The following RAD51B variants were observed in gnomAD, a reference collection of about 807,000 sequenced individuals.
The protein encoded by RAD51B is DNA repair protein RAD51 homolog 2.
RAD51B carries 38 observed loss-of-function variants against 42.2 expected under a neutral mutation model. That is an observed-to-expected ratio of 0.90 (90% CI 0.70 to 1.18). RAD51B has a LOEUF of 1.18. Among genes scored for constraint, RAD51B ranks in the 50% most tolerant of loss-of-function variants. The pLI, the probability that RAD51B is intolerant of heterozygous loss-of-function variation, is 0.00. For missense variants in RAD51B, 373 were observed against 400.7 expected (o/e 0.93, Z 0.59); for synonymous variants, 154 against 145.2 (o/e 1.06, Z -0.43).
intron 7 of RAD51B, among the ~76,000 whole-genome samples, chr14:68,172,045 A>AAT (rs1220526350): frequency 2.0e-5 from 3 of 152,188 alleles, no homozygotes; most frequent in Admixed American, 6.5e-5. Context: ...GAAAATACTA[A>AAT]ATATTTCAAC....
chr14:68,282,231 C>T (rs540482057), intron 7 of RAD51B, among the ~76,000 whole-genome samples: 2 of 152,276 alleles, frequency 1.3e-5, no homozygotes, highest in Non-Finnish European at 2.9e-5. Context: ...GGTCCACCTG[C>T]CTCGGCCTCC....
intron 2 of RAD51B, among the ~76,000 whole-genome samples, chr14:67,824,297 G>T (rs901994580): frequency 2.6e-5 from 4 of 152,050 alleles, no homozygotes; most frequent in Non-Finnish European, 4.4e-5. Flanking sequence ...TCACTCTGTT[G>T]CCCAGGCTGG....
intron 7 of RAD51B, among the ~76,000 whole-genome samples, chr14:67,919,347 C>T (rs552602726): frequency 6.6e-6 from 1 of 152,288 alleles, no homozygotes; most frequent in Non-Finnish European, 1.5e-5. Context: ...AGCTCTCTGC[C>T]TAAAAGCAGG....
intron 10 of RAD51B, among the ~76,000 whole-genome samples, chr14:68,496,639 C>G (rs534379303): frequency 6.6e-6 from 1 of 152,372 alleles, no homozygotes; most frequent in South Asian, 2.1e-4. Flanking sequence ...GGGGTCTTCT[C>G]CATCCAGTGG....
At chr14:68,231,456 C>T (rs552905632) in intron 7 of RAD51B, among the ~76,000 whole-genome samples, 2 of 152,228 alleles carry the variant, frequency 1.3e-5, no homozygotes, top group Admixed American at 6.5e-5. Flanking sequence ...TTCCCCTAAA[C>T]CATCATTCTA....
intron 7 of RAD51B, among the ~76,000 whole-genome samples, chr14:68,096,146 AT>A (rs1251440134): frequency 2.0e-5 from 3 of 152,108 alleles, no homozygotes; most frequent in African/African-American, 7.2e-5. Flanking sequence ...CAAAATCCAT[AT>A]TTTTATAGAG....
In RAD51B at chr14:68,370,302, A is replaced by G. The variant is rs61002646; in HGVS notation, c.854-41122A>G. On this transcript the variant is annotated intron_variant, in intron 8 of 10. Coordinates refer to ENST00000471583, the MANE Select transcript of RAD51B (RefSeq NM_133510.4). The stretch of plus-strand genomic sequence containing the variant: ...TGTTTAAAACTCTTTACCAAAGGGC[A>G]ACTGATCCAATAATAATGATAGCAA... Among the ~76,000 whole-genome samples the G allele has an allele frequency of 7.1e-3, 1,079 of 152,338 alleles. 12 individuals are homozygous for G. Among genetic ancestry groups the G allele is most frequent in the Middle Eastern group, 0.024 (7 of 294 alleles).
rs182760535 is a variant in RAD51B at position 67,843,150 on chromosome 14, T to A, written c.315+7954T>A. Among the ~76,000 whole-genome samples the A allele has an allele frequency of 4.8e-4, 73 of 152,018 alleles. 1 individual carries two copies. The East Asian group carries it at 6.6e-3, about 14-fold the overall frequency. On this transcript the variant is annotated intron_variant, in intron 4 of 10. Coordinates refer to ENST00000471583, the MANE Select transcript of RAD51B (RefSeq NM_133510.4). The stretch of plus-strand genomic sequence containing the variant: ...TGCTTTCTTTTTTTTTTTCTTTTTT[T>A]AAAATTTTATTATTATTATACTTTA...
intron 10 of RAD51B, among the ~76,000 whole-genome samples, chr14:68,607,736 G>A (rs934731357): frequency 1.3e-5 from 2 of 152,196 alleles, no homozygotes; most frequent in African/African-American, 2.4e-5. Flanking sequence ...ACCAGGAAAG[G>A]ACGGGGAGCA....
intron 10 of RAD51B, among the ~76,000 whole-genome samples, chr14:68,514,699 TGGAA>T (rs1477336271): frequency 6.6e-6 from 1 of 152,134 alleles, no homozygotes; most frequent in Non-Finnish European, 1.5e-5. Flanking sequence ...TGCCTGGGGC[TGGAA>T]GGAAGTTATT....
chr14:68,217,600 G>A (rs1050412024), intron 7 of RAD51B, among the ~76,000 whole-genome samples: 3 of 152,118 alleles, frequency 2.0e-5, no homozygotes, highest in African/African-American at 7.2e-5. Flanking sequence ...TCCTACAGGG[G>A]TCTGTTCTGA....
chr14:68,272,339 C>G (rs979244579), intron 7 of RAD51B, among the ~76,000 whole-genome samples: 9 of 152,010 alleles, frequency 5.9e-5, no homozygotes. Context: ...CAAGACACTT[C>G]GCTGCCGCTG....
At chr14:68,583,202 A>G (rs1890292819) in intron 10 of RAD51B, among the ~76,000 whole-genome samples, 1 of 152,212 alleles carries the variant, frequency 6.6e-6, no homozygotes, top group Non-Finnish European at 1.5e-5. Context: ...TGGTGGTGGC[A>G]GGTGCTGTGG....
At chr14:68,357,889 A>G (rs1458370013) in intron 8 of RAD51B, among the ~76,000 whole-genome samples, 1 of 152,164 alleles carries the variant, frequency 6.6e-6, no homozygotes, top group Non-Finnish European at 1.5e-5. Flanking sequence ...AAGCTTAATC[A>G]TTTCTAGCTT....
chr14:68,512,565 T>G (rs1885804500), intron 10 of RAD51B, among the ~76,000 whole-genome samples: 1 of 152,154 alleles, frequency 6.6e-6, no homozygotes, highest in East Asian at 1.9e-4. Flanking sequence ...TGAGACAGCC[T>G]AAGCCCACCT....
At chr14:68,064,796 T>C (rs1251541195) in intron 7 of RAD51B, among the ~76,000 whole-genome samples, 1 of 152,158 alleles carries the variant, frequency 6.6e-6, no homozygotes, top group East Asian at 1.9e-4. Flanking sequence ...CACTGAATTC[T>C]TCAGCTCCAA....
intron 8 of RAD51B, among the ~76,000 whole-genome samples, chr14:68,393,434 G>A (rs1398513291): frequency 6.6e-6 from 1 of 152,212 alleles, no homozygotes; most frequent in Admixed American, 6.5e-5. Flanking sequence ...GTGTTATGGT[G>A]TGATTGTTAA....
chr14:68,010,772 G>T (rs1247636609), intron 7 of RAD51B, among the ~76,000 whole-genome samples: 2 of 151,780 alleles, frequency 1.3e-5, no homozygotes, highest in African/African-American at 4.8e-5. Flanking sequence ...AGATATTACA[G>T]AATTTAGGTA....
At chr14:67,930,341 G>T (rs1467774315) in intron 7 of RAD51B, among the ~76,000 whole-genome samples, 41 of 148,396 alleles carry the variant, frequency 2.8e-4, no homozygotes, top group Admixed American at 8.7e-4. Flanking sequence ...GTGTGTGTGT[G>T]TTTTTTTTTT....
Sources: gnomAD v4.1 joint callset for allele counts (sites outside exome capture counted in the v4.1 genomes callset) on GRCh38, gnomAD v4.1.1 for gene constraint, MANE v1.5 for transcripts, NCBI Gene and HGNC (gene_info 2026-07-23, HGNC 2026-07-21) for gene names.